HIVEP2: variants seen among roughly 807,000 people sequenced by gnomAD.
HIVEP2 encodes transcription factor HIVEP2.
In HIVEP2, 14 loss-of-function variants were observed where a neutral mutation model predicts 180.7. That is an observed-to-expected ratio of 0.08 (90% CI 0.05 to 0.12). The LOEUF (loss-of-function observed/expected upper bound fraction) is 0.12, where lower values mean the gene tolerates loss of function less well. HIVEP2 is among the 10% of genes least tolerant of loss of function. The probability of loss-of-function intolerance (pLI) is 1.00; values close to 1 mark genes in which losing one functional copy is unlikely to be tolerated. For missense variants in HIVEP2, 2,579 were observed against 3,008.5 expected (o/e 0.86, Z 3.34); for synonymous variants, 1,184 against 1,136.4 (o/e 1.04, Z -0.84).
chr6:142,769,762 A>C lies in HIVEP2; in HGVS notation c.4977T>G (p.Tyr1659Ter). 1 of 1,614,208 alleles carries C rather than the reference A, an allele frequency of 6.2e-7. No individual in the cohort carries two copies. Among genetic ancestry groups the C allele is most frequent in the African/African-American group, 1.3e-5 (1 of 75,050 alleles). ...AGGATTTGAAGGTGGCCTGTTGCAC[A>C]TAATTGGGTTTTGTATAATTCAAGA... ...WCFLNYTKPN[Y>*]VQQATFKSSV... The change falls in exon 5 of 10, where the codon TAT (tyrosine) becomes TAG (stop). Residue 1659 changes from tyrosine to a stop codon, truncating the protein, a stop_gained. Transcript: ENST00000367603. LOFTEE classifies it high-confidence loss of function.
intron 1 of HIVEP2, among the ~76,000 whole-genome samples, chr6:142,850,427 A>T (rs753436717): frequency 1.3e-5 from 2 of 152,226 alleles, no homozygotes; most frequent in Non-Finnish European, 2.9e-5. Flanking sequence ...ATAAATCAAT[A>T]AGGAATCGCA....
intron 2 of HIVEP2, among the ~76,000 whole-genome samples, chr6:142,817,429 A>T (rs988982792): frequency 6.6e-6 from 1 of 152,244 alleles, no homozygotes; most frequent in African/African-American, 2.4e-5. Context: ...TCACAATGCC[A>T]AATCTAAGTT....
chr6:142,803,709 A>G (rs1224067867), intron 2 of HIVEP2, among the ~76,000 whole-genome samples: 1 of 152,154 alleles, frequency 6.6e-6, no homozygotes, highest in Non-Finnish European at 1.5e-5. Context: ...AGCAAAAATC[A>G]GGACAGAGCA....
At chr6:142,837,776 T>C (rs939281942) in intron 1 of HIVEP2, among the ~76,000 whole-genome samples, 1 of 152,152 alleles carries the variant, frequency 6.6e-6, no homozygotes, top group South Asian at 2.1e-4. Context: ...AAGCATTAAC[T>C]TAACTAGAGA....
intron 2 of HIVEP2, among the ~76,000 whole-genome samples, chr6:142,801,042 G>T (rs529428349): frequency 1.3e-5 from 2 of 151,902 alleles, no homozygotes. Context: ...GAACATAATG[G>T]ACTGAGCCTG....
intron 1 of HIVEP2, among the ~76,000 whole-genome samples, chr6:142,843,564 A>G (rs1411034204): frequency 1.8e-4 from 27 of 152,148 alleles, no homozygotes; most frequent in Admixed American, 1.8e-3. Flanking sequence ...GCAATTCTAG[A>G]AGGGAGAGCC....
At chr6:142,757,051 C>T (rs1775095516) in intron 9 of HIVEP2, among the ~76,000 whole-genome samples, 1 of 152,170 alleles carries the variant, frequency 6.6e-6, no homozygotes, top group African/African-American at 2.4e-5. Flanking sequence ...TATGCACATA[C>T]ACTTAACACA....
In HIVEP2 at chr6:142,757,426, C is replaced by T. The variant is rs143687047; in HGVS notation, c.6516+2346G>A. On this transcript the variant is annotated intron_variant, in intron 9 of 9. Coordinates refer to ENST00000367603, the MANE Select transcript of HIVEP2 (RefSeq NM_006734.4). ...CTGTAATCCCAGCACTTTGGGAGGC[C>T]GAGGCAGGCGGATCATGAGGTCAAG... 2.8e-4 allele frequency among the ~76,000 whole-genome samples: 42 copies of T among 152,254 alleles called. 1 individual carries two copies. In the East Asian group the frequency reaches 5.8e-3, roughly 21 times the overall value.
rs1055995702 is a variant in HIVEP2 at position 142,770,663 on chromosome 6, T to C, written c.4076A>G (p.Gln1359Arg). 1.2e-6 allele frequency: 2 copies of C among 1,614,220 alleles called. No individual in the cohort carries two copies. Among genetic ancestry groups the C allele is most frequent in the Non-Finnish European group, 1.7e-6 (2 of 1,180,044 alleles). Residue 1359 changes from glutamine (Q) to arginine (R), a missense_variant, in exon 5 of 10, where the codon CAG becomes CGG. This residue lies in a region of HIVEP2 where 523 missense variants were observed against 577.0 expected (regional missense o/e 0.91). Transcript: ENST00000367603. The surrounding 1 kb of genome is among the most constrained non-coding windows in gnomAD (Gnocchi z 4.7). ...MYTSISQILG[Q>R]NSPAIVICKV... Reference sequence around the variant, plus strand: ...GCATATGACAATGGCAGGGCTATTCTGCCCAAGTATCTGAGAAATGCTTGT... The same window carrying C: ...GCATATGACAATGGCAGGGCTATTCCGCCCAAGTATCTGAGAAATGCTTGT...
chr6:142,908,296 G>C (rs934850272), intron 1 of HIVEP2, among the ~76,000 whole-genome samples: 7 of 152,158 alleles, frequency 4.6e-5, no homozygotes, highest in African/African-American at 1.7e-4. Context: ...ACCCATCGCT[G>C]CTTCTAAAGA....
At chr6:142,841,419 T>C (rs528935448) in intron 1 of HIVEP2, among the ~76,000 whole-genome samples, 1 of 151,560 alleles carries the variant, frequency 6.6e-6, no homozygotes, top group South Asian at 2.1e-4. Context: ...TAGGTCGTTT[T>C]CATGTGCATA....
chr6:142,842,490 GT>G (rs1562260563), intron 1 of HIVEP2, among the ~76,000 whole-genome samples: 1 of 152,078 alleles, frequency 6.6e-6, no homozygotes. Context: ...AGACCTGAAC[GT>G]CTGTGTGTAG....
intron 1 of HIVEP2, among the ~76,000 whole-genome samples, chr6:142,934,935 C>T (rs548075810): frequency 1.3e-5 from 2 of 152,296 alleles, no homozygotes; most frequent in African/African-American, 4.8e-5. Context: ...ACAATGCTTC[C>T]TCAAACTCCA....
At chr6:142,936,431 C>A (rs1373881368) in intron 1 of HIVEP2, among the ~76,000 whole-genome samples, 2 of 151,854 alleles carry the variant, frequency 1.3e-5, no homozygotes, top group Admixed American at 1.3e-4. Flanking sequence ...ACCTTGTGAT[C>A]CACCCACCTC....
chr6:142,942,889 G>A (rs1006182144), intron 1 of HIVEP2, among the ~76,000 whole-genome samples: 4 of 152,024 alleles, frequency 2.6e-5, no homozygotes, highest in African/African-American at 7.2e-5. Flanking sequence ...TTTTATACCC[G>A]ACCTATGCTC....
intron 1 of HIVEP2, among the ~76,000 whole-genome samples, chr6:142,850,435 G>A (rs996468505): frequency 3.9e-5 from 6 of 152,070 alleles, no homozygotes; most frequent in Non-Finnish European, 7.4e-5. Context: ...ATAAGGAATC[G>A]CATAACACTG....
rs58304452 is a variant in HIVEP2, at chr6:142,777,648, C to CAAAAAA, written c.-432-1463_-432-1458dup. Among the ~76,000 whole-genome samples, 14 of 27,708 alleles carry CAAAAAA rather than the reference C, an allele frequency of 5.1e-4. 1 individual carries two copies. Among genetic ancestry groups the CAAAAAA allele is most frequent in the Non-Finnish European group, 8.0e-4 (14 of 17,532 alleles). The allele number at this position is 27,708 out of a possible 152,430, so 18.2% of individuals were successfully genotyped here. A position where few individuals can be genotyped will look rare whatever the true frequency, so the allele number is the denominator to read the frequency against. ...GGGCAACAAGAGCAAAACTCCATCTCAAAAAAAAAAAAAAAAAAAAAAAAA... is the reference window on the plus strand; with the variant it reads ...GGGCAACAAGAGCAAAACTCCATCTCAAAAAAAAAAAAAAAAAAAAAAAAAAAAAAA... On this transcript the variant is annotated intron_variant, in intron 3 of 9. Transcript: ENST00000367603.
chr6:142,866,876 T>A lies in HIVEP2; in HGVS notation c.-640-29829A>T, dbSNP rs143589875. Among the ~76,000 whole-genome samples, 3 of 152,284 alleles carry A rather than the reference T, an allele frequency of 2.0e-5. No homozygotes were observed. In the East Asian group the frequency reaches 5.8e-4, roughly 29 times the overall value. On this transcript the variant is annotated intron_variant, in intron 1 of 9. Coordinates refer to ENST00000367603, the MANE Select transcript of HIVEP2 (RefSeq NM_006734.4). Reference sequence around the variant, plus strand: ...CTAAAATACAATTTCCCTTTGCCATTAACTATCTTTATAAAAAGCGAAAAA... The same window carrying A: ...CTAAAATACAATTTCCCTTTGCCATAAACTATCTTTATAAAAAGCGAAAAA...
intron 1 of HIVEP2, among the ~76,000 whole-genome samples, chr6:142,927,697 G>C (rs935381424): frequency 2.0e-5 from 3 of 152,166 alleles, no homozygotes; most frequent in African/African-American, 7.2e-5. Flanking sequence ...CCTTTAGCCA[G>C]AGTGTTTTAA....
Sources: gnomAD v4.1 joint callset for allele counts (sites outside exome capture counted in the v4.1 genomes callset) on GRCh38, gnomAD v4.1.1 for gene constraint, gnomAD v4.1.1 regional missense constraint, Gnocchi (gnomAD v3.1) non-coding constraint, MANE v1.5 for transcripts, NCBI Gene and HGNC (gene_info 2026-07-23, HGNC 2026-07-21) for gene names.